URB2: variants seen among roughly 807,000 people sequenced by gnomAD.
URB2 encodes URB2 ribosome biogenesis homolog.
A neutral mutation model predicts 120.9 loss-of-function variants in URB2; 86 were observed. The ratio of observed to expected loss-of-function variants is 0.71; its 90% CI spans 0.60 to 0.85. URB2 has a LOEUF of 0.85. Among genes scored for constraint, URB2 ranks in the 40% least tolerant of loss-of-function variants. The pLI is 0.00. For missense variants in URB2, 1,765 were observed against 1,836.5 expected (o/e 0.96, Z 0.71); for synonymous variants, 755 against 758.4 (o/e 1.00, Z 0.07).
intron 9 of URB2, among the ~76,000 whole-genome samples, 196 bp downstream of exon 9, chr1:229,654,584 C>G (rs1302099574): frequency 6.6e-6 from 1 of 152,094 alleles, no homozygotes; most frequent in Non-Finnish European, 1.5e-5. Flanking sequence ...CCTCGAACTC[C>G]TGGGCTCAAA....
Position 229,646,020 on chromosome 1 carries a change from G to C in URB2, c.3906+51G>C, listed in dbSNP as rs1395050027. 4 of 1,563,366 alleles carry C rather than the reference G, an allele frequency of 2.6e-6. No individual in the cohort carries two copies. The African/African-American group carries it at 5.4e-5, about 21-fold the overall frequency. On this transcript the variant is annotated intron_variant, in intron 6 of 9. Transcript: ENST00000258243. ...TCTAGCTCCTCCCCTCCCTCTTCCTGTAAAGACAGAAGTCAGCCTTTTGGG... is the reference window on the plus strand; with the variant it reads ...TCTAGCTCCTCCCCTCCCTCTTCCTCTAAAGACAGAAGTCAGCCTTTTGGG...
At chr1:229,654,456 A>G in intron 9 of URB2, 68 bp downstream of exon 9, 4 of 1,600,378 alleles carry the variant, frequency 2.5e-6, no homozygotes, top group Non-Finnish European at 3.4e-6. Flanking sequence ...TTTCTCAACC[A>G]AAATGGCAAG....
chr1:229,648,224 A>G (rs1301758702), intron 7 of URB2, among the ~76,000 whole-genome samples: 4 of 152,222 alleles, frequency 2.6e-5, no homozygotes, highest in African/African-American at 4.8e-5. Context: ...ACATAAATGA[A>G]CTTTTAAATT....
At position 229,640,999 on chromosome 1, in the gene URB2, G is replaced by A. The variant is rs550179761; in HGVS notation, c.3635-2534G>A. On this transcript the variant is annotated intron_variant, in intron 4 of 9. Transcript: ENST00000258243. ...TTTTCCTCTTCAACCCTACTGAGTTGAGGCAATCTCTTTTTTTTTTTTTTT... is the reference window on the plus strand; with the variant it reads ...TTTTCCTCTTCAACCCTACTGAGTTAAGGCAATCTCTTTTTTTTTTTTTTT... Among the ~76,000 whole-genome samples the A allele has an allele frequency of 5.0e-4, 75 of 149,730 alleles. 1 individual carries two copies. Among genetic ancestry groups the A allele is most frequent in the Middle Eastern group, 6.9e-3 (2 of 288 alleles).
intron 6 of URB2, 21 bp from the exon 7 acceptor site, chr1:229,647,489 T>C (rs6587349): frequency 0.89 from 1,425,015 of 1,600,642 alleles, 635,911 homozygotes; most frequent in East Asian, 1. Flanking sequence ...CATTTTTCCT[T>C]TATTTTATTT....
In URB2 at chr1:229,641,009, C is replaced by CTTTTT. The variant is rs769502292; in HGVS notation, c.3635-2507_3635-2503dup. On this transcript the variant is annotated intron_variant, in intron 4 of 9. Coordinates refer to ENST00000258243, the MANE Select transcript of URB2 (RefSeq NM_014777.4). The stretch of plus-strand genomic sequence containing the variant: ...CAACCCTACTGAGTTGAGGCAATCT[C>CTTTTT]TTTTTTTTTTTTTTTTTTTTTGAGA... 6.0e-4 allele frequency among the ~76,000 whole-genome samples: 69 copies of CTTTTT among 115,276 alleles called. 1 individual carries two copies. Among genetic ancestry groups the CTTTTT allele is most frequent in the Middle Eastern group, 4.5e-3 (1 of 220 alleles). 75.6% of individuals were successfully genotyped at this position (115,276 alleles called of 152,430 possible). A position where few individuals can be genotyped will look rare whatever the true frequency, so the allele number is the denominator to read the frequency against.
intron 6 of URB2, among the ~76,000 whole-genome samples, 178 bp downstream of exon 6, chr1:229,646,147 G>A (rs1571878741): frequency 6.6e-6 from 1 of 152,070 alleles, no homozygotes; most frequent in East Asian, 1.9e-4. Context: ...TGAGCACATT[G>A]GTATCAACGG....
intron 2 of URB2, among the ~76,000 whole-genome samples, chr1:229,628,162 G>GTGTATA: frequency 1.1e-5 from 1 of 94,306 alleles, no homozygotes; most frequent in African/African-American, 4.2e-5. Flanking sequence ...TATAGTATAT[G>GTGTATA]TATAGTATAT....
At position 229,627,269 on chromosome 1, in the gene URB2, T is replaced by A. The variant is rs144535519; in HGVS notation, c.-13-352T>A. Among the ~76,000 whole-genome samples, 459 of 152,362 alleles carry A rather than the reference T, an allele frequency of 3.0e-3. 3 individuals are homozygous for A. The highest frequency in any genetic ancestry group is 0.01 in the African/African-American group (434 of 41,580). On this transcript the variant is annotated intron_variant, in intron 1 of 9. Coordinates refer to ENST00000258243, the MANE Select transcript of URB2 (RefSeq NM_014777.4). The stretch of plus-strand genomic sequence containing the variant: ...TTTCCTCTTTCAATTTGAAACCATG[T>A]ATGAATGACTCTTTCCACAAGTAAT...
chr1:229,635,707 A>G lies in URB2; in HGVS notation c.1094A>G (p.Asn365Ser). The change falls in exon 4 of 10, where the codon AAC becomes AGC. Residue 365 changes from asparagine (N) to serine (S), a missense_variant. Transcript: ENST00000258243. ...TELLVVEQLL[N>S]SVANNNIYNI... ...CTTTTGGTTGTGGAACAGCTACTAA[A>G]CTCAGTGGCCAACAACAATATCTAC... is the stretch of plus-strand genomic sequence containing the variant. 6.2e-7 allele frequency: 1 copy of G among 1,614,088 alleles called. No homozygotes were observed. The highest frequency in any genetic ancestry group is 1.3e-5 in the African/African-American group (1 of 74,990).
chr1:229,636,457 A>G lies in URB2; in HGVS notation c.1844A>G (p.Gln615Arg), dbSNP rs1475035188. ...SVLLLSYTWA[Q>R]VDAMFSLNCS... The stretch of plus-strand genomic sequence containing the variant: ...CTCCTGCTCTCTTACACTTGGGCCC[A>G]GGTGGACGCTATGTTCAGTTTGAAC... Residue 615 changes from glutamine to arginine, a missense_variant, in exon 4 of 10, where the codon CAG (glutamine) becomes CGG (arginine). Physicochemically the swap from Gln to Arg is conservative, Grantham distance 43. Transcript: ENST00000258243. 6.2e-7 allele frequency: 1 copy of G among 1,614,254 alleles called. No individual in the cohort carries two copies. The highest frequency in any genetic ancestry group is 8.5e-7 in the Non-Finnish European group (1 of 1,180,048).
chr1:229,646,999 C>G (rs914524894), intron 6 of URB2, among the ~76,000 whole-genome samples: 1 of 152,168 alleles, frequency 6.6e-6, no homozygotes, highest in Admixed American at 6.6e-5. Flanking sequence ...TCATCGTCAC[C>G]GAGCATGTGT....
intron 2 of URB2, among the ~76,000 whole-genome samples, chr1:229,630,982 C>CAAAAAAAA (rs57940336): frequency 6.1e-5 from 4 of 65,098 alleles, no homozygotes; most frequent in East Asian, 4.8e-4. Flanking sequence ...AACTCCGTCT[C>CAAAAAAAA]AAAAAAAAAA....
At chr1:229,658,514 A>G (rs1666454081) in intron 9 of URB2, among the ~76,000 whole-genome samples, 2 of 152,234 alleles carry the variant, frequency 1.3e-5, no homozygotes, top group Non-Finnish European at 2.9e-5. Flanking sequence ...TTAAATGGCA[A>G]TCATGAAATC....
chr1:229,630,869 C>G (rs945438261), intron 2 of URB2, among the ~76,000 whole-genome samples: 2 of 150,674 alleles, frequency 1.3e-5, no homozygotes, highest in African/African-American at 4.9e-5. Context: ...GTAATCCCAG[C>G]TACTCAGGAG....
Position 229,659,114 on chromosome 1 carries a change from A to C in URB2, c.4392A>C (p.Pro1464=), listed in dbSNP as rs955410470. 11 of 1,611,934 alleles carry C rather than the reference A, an allele frequency of 6.8e-6. No homozygotes were observed. Among genetic ancestry groups the C allele is most frequent in the Non-Finnish European group, 9.3e-6 (11 of 1,179,750 alleles). Reference sequence around the variant, plus strand: ...TTTTTCCTCAGGTGACCTTATATCCAGCTGTGAAAAGTCTGCTGCAGGAGG... The same window carrying C: ...TTTTTCCTCAGGTGACCTTATATCCCGCTGTGAAAAGTCTGCTGCAGGAGG... The part of the protein sequence containing the change: ...VLEVQKVTLY[P]AVKSLLQEGI... The change falls in exon 10 of 10, where the codon CCA becomes CCC. Residue 1464 remains proline (P), a synonymous_variant. Transcript: ENST00000258243.
chr1:229,645,370 G>A (rs977240943), intron 5 of URB2, among the ~76,000 whole-genome samples: 5 of 152,226 alleles, frequency 3.3e-5, no homozygotes, highest in Non-Finnish European at 5.9e-5. Context: ...ACCCGATTGG[G>A]TCATATTGCC....
intron 9 of URB2, among the ~76,000 whole-genome samples, chr1:229,655,446 C>T (rs1666383453): frequency 6.6e-6 from 1 of 152,212 alleles, no homozygotes; most frequent in South Asian, 2.1e-4. Flanking sequence ...GTTGGCCAGG[C>T]TGGTCTCAAA....
At chr1:229,632,207 T>C (rs1665685031) in intron 2 of URB2, 62 bp from the exon 3 acceptor site, 6 of 1,382,396 alleles carry the variant, frequency 4.3e-6, no homozygotes, top group South Asian at 1.8e-5. Context: ...GTCCCTATAA[T>C]GTCTAACATC....
Sources: allele counts gnomAD v4.1 joint callset (sites outside exome capture counted in the v4.1 genomes callset), GRCh38; gene constraint gnomAD v4.1.1; transcripts MANE v1.5; gene names NCBI Gene and HGNC (gene_info 2026-07-23, HGNC 2026-07-21).